Variants in C6orf62 observed in about 807,000 individuals in gnomAD.
C6orf62 encodes uncharacterized protein C6orf62.
A neutral mutation model predicts 26.8 loss-of-function variants in C6orf62; 16 were observed. The ratio of observed to expected loss-of-function variants is 0.60; its 90% CI spans 0.40 to 0.91. C6orf62 has a LOEUF of 0.91. C6orf62 is among the 40% of genes least tolerant of loss of function. The pLI is 0.00. For synonymous variants in C6orf62, 112 were observed against 91.5 expected (o/e 1.22, Z -1.28); for missense variants, 192 against 271.4 (o/e 0.71, Z 2.06).
At chr6:24,708,414 T>G (rs1180018715) in intron 4 of C6orf62, among the ~76,000 whole-genome samples, 2 of 152,172 alleles carry the variant, frequency 1.3e-5, no homozygotes, top group East Asian at 3.8e-4. Context: ...AGTGACAAGA[T>G]CTCACTGTAG....
intron 3 of C6orf62, chr6:24,710,674 T>C: frequency 1.0e-6 from 1 of 962,114 alleles, no homozygotes; most frequent in South Asian, 4.8e-5. Flanking sequence ...TAAGAGGATT[T>C]CCCCAGGACA....
At chr6:24,710,694 T>C in intron 3 of C6orf62, 9 of 884,548 alleles carry the variant, frequency 1.0e-5, no homozygotes, top group Non-Finnish European at 1.2e-5. Context: ...AAAGTAGTAA[T>C]GGTAAGTAAT....
chr6:24,708,969 C>A, intron 3 of C6orf62, 58 bp from the exon 4 acceptor site: 1 of 1,607,444 alleles, frequency 6.2e-7, no homozygotes, highest in Non-Finnish European at 8.5e-7. Flanking sequence ...TACCTATCTG[C>A]ATCTATATGC....
At chr6:24,714,602 T>C (rs1779187866) in intron 2 of C6orf62, among the ~76,000 whole-genome samples, 162 bp from the exon 3 acceptor site, 1 of 151,294 alleles carries the variant, frequency 6.6e-6, no homozygotes, top group East Asian at 1.9e-4. Flanking sequence ...GTTTATAATC[T>C]GAATAGCTCA....
chr6:24,708,494 T>C (rs1161583982), intron 4 of C6orf62, among the ~76,000 whole-genome samples: 3 of 152,118 alleles, frequency 2.0e-5, no homozygotes, highest in Admixed American at 2.0e-4. Flanking sequence ...CACGCCACCA[T>C]GCCTGGCTAG....
chr6:24,720,551 T>A (rs926989085), upstream of C6orf62: 1 of 251,298 alleles, frequency 4.0e-6, no homozygotes, highest in Non-Finnish European at 6.4e-6. Flanking sequence ...GGAGTTGGAT[T>A]GGTACTGGCG....
intron 3 of C6orf62, chr6:24,709,260 G>A: frequency 1.0e-6 from 1 of 985,320 alleles, no homozygotes; most frequent in Non-Finnish European, 1.2e-6. Flanking sequence ...ATCAGGAAAT[G>A]CTCTGCATCA....
chr6:24,712,682 C>G (rs1299282360), intron 3 of C6orf62, among the ~76,000 whole-genome samples: 1 of 94,576 alleles, frequency 1.1e-5, no homozygotes, highest in Non-Finnish European at 2.0e-5. Context: ...CAGAGTGAGA[C>G]TCTGTCTCAA....
At position 24,718,618 on chromosome 6, in the gene C6orf62, A is replaced by G; in HGVS notation, c.51T>C (p.Ala17=). ...RKKQALNRLR[A]QLRKKKESLA... is the part of the protein sequence containing the mutation. Reference sequence around the variant, plus strand: ...GAGATTCTTTTTTCTTTCTAAGCTGAGCACGTAGTCTGTTCAGAGCTTGTT... The same window carrying G: ...GAGATTCTTTTTTCTTTCTAAGCTGGGCACGTAGTCTGTTCAGAGCTTGTT... The change falls in exon 1 of 5, where the codon GCT becomes GCC. Residue 17 remains alanine, a synonymous_variant. Coordinates refer to ENST00000378119, the MANE Select transcript of C6orf62 (RefSeq NM_030939.5). 1 of 1,614,106 alleles carries G rather than the reference A, an allele frequency of 6.2e-7. No homozygotes were observed. The highest frequency in any genetic ancestry group is 8.5e-7 in the Non-Finnish European group (1 of 1,180,010).
At chr6:24,717,451 T>C (rs375375850) in intron 1 of C6orf62, among the ~76,000 whole-genome samples, 1 of 152,360 alleles carries the variant, frequency 6.6e-6, no homozygotes, top group African/African-American at 2.4e-5. Context: ...TTCACAATGC[T>C]ATACTTCAGC....
Position 24,706,224 on chromosome 6 carries a change from G to A in C6orf62, c.603C>T (p.Ser201=), listed in dbSNP as rs139875623. The A allele has an allele frequency of 1.8e-4, 283 of 1,614,216 alleles. 1 individual carries two copies. In the African/African-American group the frequency reaches 2.6e-3, roughly 15 times the overall value. ...KNKATIFKLC[S]ICLYLPQEQL... is the part of the protein sequence containing the mutation. ...GTTCCTGTGGCAGGTAGAGGCAGAT[G>A]CTGCATAACTTGAAGATTGTAGCTT... Residue 201 remains serine, a synonymous_variant, in exon 5 of 5, where the codon AGC becomes AGT. Coordinates refer to ENST00000378119, the MANE Select transcript of C6orf62 (RefSeq NM_030939.5).
At chr6:24,719,820 G>GGCCCC, upstream of C6orf62, 3 of 1,546,536 alleles carry the variant, frequency 1.9e-6, no homozygotes, top group Non-Finnish European at 2.6e-6. Flanking sequence ...ACCCCCGCAG[G>GGCCCC]TCCCACCCCC....
upstream of C6orf62, chr6:24,719,362 A>T (rs181867060): frequency 2.4e-4 from 244 of 1,004,174 alleles, 2 homozygotes; most frequent in Admixed American, 0.011. Flanking sequence ...AGCATAGAGA[A>T]AAGTGCAAAA....
At chr6:24,719,678 G>A (rs906655848), upstream of C6orf62, 1 of 1,471,300 alleles carries the variant, frequency 6.8e-7, no homozygotes, top group Admixed American at 2.5e-5. Flanking sequence ...CCCCAAGGGA[G>A]ACTTCCCTGT....
rs1052955433 is a variant in C6orf62, at chr6:24,715,155, A to G, written c.307-715T>C. ...TAGCTGAAATGCTATTTTTATTTTG[A>G]TAGAAAACTACTTTTCTCCATTCCT... On this transcript the variant is annotated intron_variant, in intron 2 of 4. Transcript: ENST00000378119. Among the ~76,000 whole-genome samples the G allele has an allele frequency of 1.1e-4, 16 of 152,224 alleles. 1 individual carries two copies. The highest frequency in any genetic ancestry group is 6.3e-3 in the Middle Eastern group (2 of 316).
chr6:24,714,631 T>C (rs191291900), intron 2 of C6orf62, among the ~76,000 whole-genome samples, 191 bp from the exon 3 acceptor site: 57 of 152,304 alleles, frequency 3.7e-4, no homozygotes, highest in African/African-American at 1.2e-3. Context: ...TTTTTTATTT[T>C]TGGAGACAGA....
At chr6:24,710,556 GC>G in intron 3 of C6orf62, 1 of 983,078 alleles carries the variant, frequency 1.0e-6, no homozygotes, top group Non-Finnish European at 1.2e-6. Flanking sequence ...GAGCAACCGC[GC>G]CCGGCCCAAA....
chr6:24,719,057 G>T lies in C6orf62; in HGVS notation c.-389C>A. 9.7e-7 allele frequency: 1 copy of T among 1,034,978 alleles called. No homozygotes were observed. The highest frequency in any genetic ancestry group is 1.2e-6 in the Non-Finnish European group (1 of 861,784). The allele number at this position is 1,034,978 out of a possible 1,614,324, so 64.1% of individuals were successfully genotyped here. On this transcript the variant is annotated 5_prime_UTR_variant, in exon 1 of 5. In the 5' UTR this introduces an upstream ATG that the reference lacks. Coordinates refer to ENST00000378119, the MANE Select transcript of C6orf62 (RefSeq NM_030939.5). ...GGATTTAGGTGTGCAATAAAACACA[G>T]CTGACACCAGACCAATCCCTAAAAT...
At chr6:24,719,478 G>A (rs28411390), upstream of C6orf62, 3 of 1,097,204 alleles carry the variant, frequency 2.7e-6, no homozygotes, top group East Asian at 2.3e-4. Flanking sequence ...AAAAAACAGC[G>A]GAGTCATTAC....
Sources: gnomAD v4.1 joint callset for allele counts (sites outside exome capture counted in the v4.1 genomes callset) on GRCh38, gnomAD v4.1.1 for gene constraint, MANE v1.5 for transcripts, NCBI Gene and HGNC (gene_info 2026-07-23, HGNC 2026-07-21) for gene names.